The following GPAM variants were observed in gnomAD, a reference collection of about 807,000 sequenced individuals.
The protein encoded by GPAM is glycerol-3-phosphate acyltransferase, mitochondrial.
Under a neutral mutation model 105.0 loss-of-function variants are expected in GPAM, and 56 were observed. The ratio of observed to expected loss-of-function variants is 0.53; its 90% CI spans 0.43 to 0.67. GPAM has a LOEUF of 0.67. Ranked by LOEUF, GPAM falls within the 30% of genes least tolerant of loss-of-function variation. The pLI is 0.00. For synonymous variants in GPAM, 368 were observed against 354.4 expected (o/e 1.04, Z -0.43); for missense variants, 855 against 989.8 (o/e 0.86, Z 1.83).
Position 112,159,221 on chromosome 10 carries a change from T to C in GPAM, c.1902+690A>G, listed in dbSNP as rs912152299. ...GGTGTTGAGCAGATGATTTTCTTTT[T>C]TTTTTTTTTTTTTTTTTGAGATGGA... On this transcript the variant is annotated intron_variant, in intron 17 of 21. Coordinates refer to ENST00000348367, the MANE Select transcript of GPAM (RefSeq NM_001244949.2). Among the ~76,000 whole-genome samples, 7 of 139,952 alleles carry C rather than the reference T, an allele frequency of 5.0e-5. No homozygotes were observed. The South Asian group carries it at 7.4e-4, about 15-fold the overall frequency. The allele number at this position is 139,952 out of a possible 152,430, so 91.8% of individuals were successfully genotyped here.
At chr10:112,212,341 C>A (rs1470698251) in intron 1 of GPAM, among the ~76,000 whole-genome samples, 3 of 152,170 alleles carry the variant, frequency 2.0e-5, no homozygotes, top group Admixed American at 6.5e-5. Context: ...CAGCTCACTG[C>A]AAGCTCTGCC....
intron 18 of GPAM, among the ~76,000 whole-genome samples, chr10:112,157,944 G>C (rs756726975): frequency 3.9e-5 from 6 of 152,136 alleles, no homozygotes; most frequent in Non-Finnish European, 8.8e-5. Flanking sequence ...TTATTGGTTT[G>C]TTTACTTATT....
upstream of GPAM, among the ~76,000 whole-genome samples, chr10:112,217,950 T>C (rs542225696): frequency 6.6e-6 from 1 of 152,336 alleles, no homozygotes; most frequent in South Asian, 2.1e-4. Context: ...AAGGACTTCA[T>C]TGTTTATGGA....
upstream of GPAM, among the ~76,000 whole-genome samples, chr10:112,184,092 T>G (rs1388912420): frequency 6.6e-6 from 1 of 152,178 alleles, no homozygotes; most frequent in Admixed American, 6.5e-5. Context: ...GTGGTCTGAC[T>G]TTTTATGAGA....
At chr10:112,204,851 C>T (rs1023529733) in intron 1 of GPAM, among the ~76,000 whole-genome samples, 7 of 125,814 alleles carry the variant, frequency 5.6e-5, no homozygotes, top group Non-Finnish European at 8.1e-5. Flanking sequence ...AAAGGGTATT[C>T]AATTAGGAAA....
chr10:112,212,189 C>A (rs936500146), intron 1 of GPAM, among the ~76,000 whole-genome samples: 1 of 152,164 alleles, frequency 6.6e-6, no homozygotes, highest in African/African-American at 2.4e-5. Flanking sequence ...AACTCAGTAA[C>A]TGGGGAGGCA....
At chr10:112,179,486 G>A (rs1847467567) in intron 4 of GPAM, among the ~76,000 whole-genome samples, 1 of 152,182 alleles carries the variant, frequency 6.6e-6, no homozygotes, top group African/African-American at 2.4e-5. Context: ...CCAAATTCTT[G>A]CAACAAGGTA....
chr10:112,181,778 C>T lies in GPAM; in HGVS notation c.7G>A (p.Glu3Lys). ...ATTGTACCAAGGGTCAGTGCAGATT[C>T]ATCCATGTCACAAAGTGTAATTCCC... is the stretch of plus-strand genomic sequence containing the variant. MD[E>K]SALTLGTIDV... is the part of the protein sequence containing the mutation. Residue 3 changes from glutamate to lysine, a missense_variant, in exon 3 of 22, where the codon GAA becomes AAA. Glu to Lys is a moderately conservative substitution (Grantham distance 56). Coordinates refer to ENST00000348367, the MANE Select transcript of GPAM (RefSeq NM_001244949.2). 2 of 1,573,712 alleles carry T rather than the reference C, an allele frequency of 1.3e-6. No individual in the cohort carries two copies. The highest frequency in any genetic ancestry group is 1.7e-6 in the Non-Finnish European group (2 of 1,143,384).
chr10:112,155,312 G>A lies in GPAM; in HGVS notation c.2311+552C>T, dbSNP rs980455389. 2.4e-5 allele frequency: 4 copies of A among 165,132 alleles called. No individual in the cohort carries two copies. In the South Asian group the frequency reaches 4.8e-4, roughly 20 times the overall value. The allele number at this position is 165,132 out of a possible 1,614,324, so 10.2% of individuals were successfully genotyped here. ...CCTCCTAAAACAAAGAAGACGGAGC[G>A]CTGGCCAAGATGTGCAGCAAGTGAA... is the stretch of plus-strand genomic sequence containing the variant. On this transcript the variant is annotated intron_variant, in intron 20 of 21. Transcript: ENST00000348367.
Position 112,151,383 on chromosome 10 carries a change from C to G in GPAM, c.*2167G>C, listed in dbSNP as rs943018330. The G allele has an allele frequency of 6.3e-5, 62 of 985,360 alleles. No homozygotes were observed. The highest frequency in any genetic ancestry group is 7.4e-5 in the Non-Finnish European group (61 of 829,840). The allele number at this position is 985,360 out of a possible 1,614,324, so 61.0% of individuals were successfully genotyped here. On this transcript the variant is annotated 3_prime_UTR_variant, in exon 22 of 22. Transcript: ENST00000348367. ...GAAGAATGAGTTGTGCTGAAATTAA[C>G]TCAAAGGTCAGCTTGTCTGGATGAG...
chr10:112,213,513 T>C (rs754622952), intron 1 of GPAM, among the ~76,000 whole-genome samples: 5 of 152,266 alleles, frequency 3.3e-5, no homozygotes, highest in Non-Finnish European at 7.4e-5. Context: ...CTGAGAGTTA[T>C]AAAGGCATGA....
intron 19 of GPAM, 82 bp from the exon 20 acceptor site, chr10:112,156,135 G>A: frequency 1.0e-6 from 1 of 952,822 alleles, no homozygotes; most frequent in Admixed American, 2.0e-5. Flanking sequence ...TTTCTCTGGA[G>A]AGCCAGTAAC....
At chr10:112,196,309 T>C (rs935340608) in intron 1 of GPAM, among the ~76,000 whole-genome samples, 10 of 152,220 alleles carry the variant, frequency 6.6e-5, no homozygotes, top group African/African-American at 1.9e-4. Flanking sequence ...AGAACCTCAC[T>C]CATTAAGTAT....
rs1181790829 is a variant in GPAM at position 112,168,477 on chromosome 10, C to T, written c.942G>A (p.Leu314=). Residue 314 remains leucine (L), a synonymous_variant, in exon 11 of 22, where the codon CTG becomes CTA. Transcript: ENST00000348367. The part of the protein sequence containing the change: ...LRQQQFLEIF[L]EGTRSRSGKT... ...TTCCACTCCTAGAACGTGTGCCTTC[C>T]AGGAAGATCTCCAAGAATTGCTGCT... 6.2e-7 allele frequency: 1 copy of T among 1,612,878 alleles called. No homozygotes were observed. The highest frequency in any genetic ancestry group is 1.7e-5 in the Admixed American group (1 of 60,012).
chr10:112,162,689 A>G (rs1488067608), intron 14 of GPAM, among the ~76,000 whole-genome samples: 1 of 152,188 alleles, frequency 6.6e-6, no homozygotes, highest in East Asian at 1.9e-4. Flanking sequence ...AGAATTTTTA[A>G]ATATGAATAT....
At chr10:112,154,409 A>T in intron 21 of GPAM, 1 of 586,776 alleles carries the variant, frequency 1.7e-6, no homozygotes, top group South Asian at 2.0e-5. Context: ...TGAAACCAGT[A>T]AAATTCCAGA....
At chr10:112,164,633 A>G in intron 12 of GPAM, 23 bp from the exon 13 acceptor site, 1 of 1,248,116 alleles carries the variant, frequency 8.0e-7, no homozygotes, top group South Asian at 1.2e-5. Flanking sequence ...ACACAACATG[A>G]TCATTTACCC....
intron 12 of GPAM, 141 bp from the exon 13 acceptor site, chr10:112,164,751 C>T: frequency 1.5e-6 from 1 of 659,080 alleles, no homozygotes; most frequent in Non-Finnish European, 2.7e-6. Context: ...TTTCTATATC[C>T]TAAACTGTCT....
chr10:112,221,812 G>A, the GPAM span, among the ~76,000 whole-genome samples: 1 of 151,982 alleles, frequency 6.6e-6, no homozygotes, highest in Non-Finnish European at 1.5e-5. Context: ...ATCATAACAG[G>A]GAATATGACT....
Sources: allele counts gnomAD v4.1 joint callset (sites outside exome capture counted in the v4.1 genomes callset), GRCh38; gene constraint gnomAD v4.1.1; transcripts MANE v1.5; gene names NCBI Gene and HGNC (gene_info 2026-07-23, HGNC 2026-07-21).